MSN: variants seen among roughly 807,000 people sequenced by gnomAD.
MSN encodes the protein moesin.
MSN carries 2 observed loss-of-function variants against 48.0 expected under a neutral mutation model. The observed-to-expected ratio is 0.04, with a 90% CI of 0.02 to 0.13. The LOEUF (loss-of-function observed/expected upper bound fraction) is 0.13, where lower values mean the gene tolerates loss of function less well. Among genes scored for constraint, MSN ranks in the 10% least tolerant of loss-of-function variants. The pLI is 1.00. For synonymous variants in MSN, 146 were observed against 166.9 expected, an observed-to-expected ratio of 0.87 and a Z score of 0.97; for missense variants, 267 against 470.1, an observed-to-expected ratio of 0.57 and a Z score of 3.99.
chrX:65,619,131 G>A (rs2070407398), intron 1 of MSN, among the ~76,000 whole-genome samples: 1 of 100,365 alleles, frequency 1.0e-5, no homozygotes, highest in South Asian at 4.6e-4. Context: ...CTCTCTGGCT[G>A]CCCTTAACAT....
chrX:65,643,303 A>G (rs989202186), intron 1 of MSN, among the ~76,000 whole-genome samples: 2 of 111,446 alleles, frequency 1.8e-5, no homozygotes, highest in Non-Finnish European at 3.8e-5. Context: ...GCTGCCAGGA[A>G]AGGGGAGGGG....
At chrX:65,647,433 G>A (rs772033614) in intron 1 of MSN, among the ~76,000 whole-genome samples, 15 of 111,650 alleles carry the variant, frequency 1.3e-4, no homozygotes, top group Non-Finnish European at 2.8e-4. Context: ...GGCTGGTCTC[G>A]AACTCCTGAC....
intron 1 of MSN, among the ~76,000 whole-genome samples, chrX:65,632,637 T>A (rs1000661549): frequency 1.8e-5 from 2 of 112,306 alleles, no homozygotes; most frequent in African/African-American, 6.5e-5. Context: ...GCTGTTTTTT[T>A]AATTGTAGCC....
intron 1 of MSN, among the ~76,000 whole-genome samples, chrX:65,670,374 G>A (rs1234299936): frequency 9.0e-6 from 1 of 111,398 alleles, no homozygotes; most frequent in Non-Finnish European, 1.9e-5. Context: ...ATCTAGGGTC[G>A]GTTTCACTTT....
chrX:65,734,620 T>A lies in MSN; in HGVS notation c.796-647T>A, dbSNP rs1015574546. ...CTCAAACTCACTGGATTTTCTTGTGTGTTTTCTTTTATTGCTGCTGTGCTC... is the reference window on the plus strand; with the variant it reads ...CTCAAACTCACTGGATTTTCTTGTGAGTTTTCTTTTATTGCTGCTGTGCTC... On this transcript the variant is annotated intron_variant, in intron 7 of 12. Coordinates refer to ENST00000360270, the MANE Select transcript of MSN (RefSeq NM_002444.3). Among the ~76,000 whole-genome samples the A allele has an allele frequency of 7.1e-5, 8 of 112,140 alleles. No homozygotes were observed. The Admixed American group carries it at 7.6e-4, about 11-fold the overall frequency.
intron 1 of MSN, among the ~76,000 whole-genome samples, chrX:65,695,065 TGTGTGTGTGTGTCTGC>T (rs1439561210): frequency 9.2e-6 from 1 of 109,031 alleles, no homozygotes; most frequent in Non-Finnish European, 1.9e-5. Flanking sequence ...TTCTTCTTTG[TGTGTGTGTGTGTCTGC>T]GTGTGTGTGT....
chrX:65,607,858 C>T (rs977160295), intron 1 of MSN, among the ~76,000 whole-genome samples: 6 of 111,909 alleles, frequency 5.4e-5, no homozygotes, highest in African/African-American at 1.6e-4. Flanking sequence ...CGTGGTGACA[C>T]ATGCTTGTAA....
At chrX:65,733,599 C>T (rs1339591527) in intron 7 of MSN, among the ~76,000 whole-genome samples, 4 of 112,063 alleles carry the variant, frequency 3.6e-5, no homozygotes, top group African/African-American at 6.5e-5. Flanking sequence ...GGGTGGAAAC[C>T]GAATGCATCT....
intron 1 of MSN, among the ~76,000 whole-genome samples, chrX:65,598,367 CAG>C (rs780426999): frequency 2.8e-5 from 3 of 106,718 alleles, no homozygotes; most frequent in African/African-American, 1.0e-4. Context: ...GAGAGAGAAA[CAG>C]AAGAGAGAAA....
At chrX:65,715,644 C>T (rs1037090308) in intron 1 of MSN, among the ~76,000 whole-genome samples, 1 of 111,583 alleles carries the variant, frequency 9.0e-6, no homozygotes, top group Non-Finnish European at 1.9e-5. Flanking sequence ...TTGGTGTATA[C>T]GAATGCTAGT....
chrX:65,707,173 G>A (rs929369841), intron 1 of MSN, among the ~76,000 whole-genome samples: 17 of 111,413 alleles, frequency 1.5e-4, no homozygotes, highest in African/African-American at 5.2e-4. Context: ...GTAGCATCTG[G>A]CCTGGTTACT....
chrX:65,687,039 A>G (rs2071121359), intron 1 of MSN, among the ~76,000 whole-genome samples: 1 of 111,721 alleles, frequency 9.0e-6, no homozygotes, highest in East Asian at 2.8e-4. Flanking sequence ...TCATCTCTCA[A>G]CCATCCATAA....
At chrX:65,709,106 T>C (rs1437866918) in intron 1 of MSN, among the ~76,000 whole-genome samples, 2 of 112,602 alleles carry the variant, frequency 1.8e-5, no homozygotes, top group East Asian at 2.8e-4. Context: ...GATGTAGTGA[T>C]GCAGTAAACA....
intron 1 of MSN, chrX:65,588,741 G>T: frequency 2.1e-6 from 1 of 469,013 alleles, no homozygotes; most frequent in Non-Finnish European, 2.7e-6. Flanking sequence ...GGGGGTAGGG[G>T]ACACTGAAAT....
intron 1 of MSN, among the ~76,000 whole-genome samples, chrX:65,693,968 G>A (rs868154992): frequency 4.5e-5 from 5 of 110,381 alleles, no homozygotes; most frequent in Non-Finnish European, 9.5e-5. Context: ...CAGGAGAATC[G>A]CTTGAACCCA....
intron 6 of MSN, among the ~76,000 whole-genome samples, chrX:65,732,430 C>G (rs2071631712): frequency 8.9e-6 from 1 of 111,999 alleles, no homozygotes; most frequent in African/African-American, 3.3e-5. Flanking sequence ...TTTCATGTGG[C>G]TACTAGAAAA....
chrX:65,713,656 T>G (rs1408637849), intron 1 of MSN, among the ~76,000 whole-genome samples: 1 of 112,061 alleles, frequency 8.9e-6, no homozygotes, highest in Non-Finnish European at 1.9e-5. Flanking sequence ...GGGGTACATG[T>G]GCAGGTTTGT....
chrX:65,637,741 G>A (rs907022921), intron 1 of MSN, among the ~76,000 whole-genome samples: 14 of 109,672 alleles, frequency 1.3e-4, no homozygotes, highest in Non-Finnish European at 2.5e-4. Flanking sequence ...TGCCCAGGCT[G>A]GTCTTGGACT....
chrX:65,635,655 C>T (rs1321705943), intron 1 of MSN, among the ~76,000 whole-genome samples: 1 of 111,915 alleles, frequency 8.9e-6, no homozygotes, highest in Non-Finnish European at 1.9e-5. Flanking sequence ...GTCTGGGATG[C>T]CAGAGGATTC....
Sources: gnomAD v4.1 joint callset for allele counts (sites outside exome capture counted in the v4.1 genomes callset) on GRCh38, gnomAD v4.1.1 for gene constraint, MANE v1.5 for transcripts, NCBI Gene and HGNC (gene_info 2026-07-23, HGNC 2026-07-21) for gene names.